The following BCAS3 variants were observed in gnomAD, a reference collection of about 807,000 sequenced individuals.
BCAS3 encodes the protein BCAS3 microtubule associated cell migration factor, also known as BCAS4/BCAS3 fusion.
A neutral mutation model predicts 116.1 loss-of-function variants in BCAS3; 53 were observed. The observed-to-expected ratio is 0.46, with a 90% CI of 0.37 to 0.57. The LOEUF (loss-of-function observed/expected upper bound fraction) is 0.57. Among genes scored for constraint, BCAS3 ranks in the 20% least tolerant of loss-of-function variants. The probability of loss-of-function intolerance (pLI) is 0.00; values close to 1 mark genes in which losing one functional copy is unlikely to be tolerated. For synonymous variants in BCAS3, 391 were observed against 408.2 expected (o/e 0.96, Z 0.51); for missense variants, 917 against 1,165.4 (o/e 0.79, Z 3.10).
At chr17:60,832,461 C>T (rs979973594) in intron 7 of BCAS3, among the ~76,000 whole-genome samples, 1 of 152,174 alleles carries the variant, frequency 6.6e-6, no homozygotes, top group Non-Finnish European at 1.5e-5. Context: ...TACCACCCAC[C>T]TCACTTGTTG....
chr17:61,360,120 C>T (rs2058376642), intron 22 of BCAS3, among the ~76,000 whole-genome samples: 1 of 151,774 alleles, frequency 6.6e-6, no homozygotes, highest in African/African-American at 2.4e-5. Context: ...AATCTCCTGT[C>T]AGCCTCCCAA....
At chr17:61,277,995 C>T (rs575106543) in intron 22 of BCAS3, among the ~76,000 whole-genome samples, 94 of 152,258 alleles carry the variant, frequency 6.2e-4, no homozygotes, top group African/African-American at 2.1e-3. Flanking sequence ...GGTGTATACC[C>T]AAAAGAAATG....
At chr17:61,359,461 A>G (rs987845633) in intron 22 of BCAS3, among the ~76,000 whole-genome samples, 5 of 151,676 alleles carry the variant, frequency 3.3e-5, no homozygotes, top group African/African-American at 1.2e-4. Flanking sequence ...AGAAAAAAAA[A>G]AAAGCTCATT....
rs116827512 is a variant in BCAS3 at position 61,016,481 on chromosome 17, T to C, written c.1637+580T>C. 5.3e-3 allele frequency among the ~76,000 whole-genome samples: 806 copies of C among 152,328 alleles called. 8 individuals are homozygous for C. Among genetic ancestry groups the C allele is most frequent in the African/African-American group, 0.018 (761 of 41,576 alleles). The stretch of plus-strand genomic sequence containing the variant: ...GACTTTTGATTACTCACTTGATTTA[T>C]TTGTGCTTATTTTAGCAATTTGCTA... On this transcript the variant is annotated intron_variant, in intron 16 of 23. Coordinates refer to ENST00000407086, the MANE Select transcript of BCAS3 (RefSeq NM_017679.5).
chr17:60,963,634 C>A (rs376181649), intron 14 of BCAS3, among the ~76,000 whole-genome samples: 30 of 150,822 alleles, frequency 2.0e-4, no homozygotes, highest in Admixed American at 9.2e-4. Flanking sequence ...CAGCTCACTG[C>A]AAGCTCCGCC....
chr17:60,784,290 G>GAAACA (rs1404501099), intron 6 of BCAS3, among the ~76,000 whole-genome samples: 2 of 146,274 alleles, frequency 1.4e-5, no homozygotes, highest in Non-Finnish European at 3.0e-5. Context: ...CTAAAAAAAT[G>GAAACA]AAACAAATTT....
intron 22 of BCAS3, among the ~76,000 whole-genome samples, chr17:61,109,335 TTATC>T (rs1210628911): frequency 3.3e-5 from 5 of 151,978 alleles, no homozygotes; most frequent in African/African-American, 4.8e-5. Context: ...CACATTTTCT[TTATC>T]TACTCGCTGA....
In BCAS3 at chr17:61,180,498, C is replaced by G. The variant is rs554551651; in HGVS notation, c.2425+95934C>G. On this transcript the variant is annotated intron_variant, in intron 22 of 23. Transcript: ENST00000407086. This position sits in a 1 kb window ranked among gnomAD's most constrained non-coding sequence, Gnocchi z 6.0. The stretch of plus-strand genomic sequence containing the variant: ...GGATATGAAAGAAATAATGAAAATT[C>G]TCCCTTGCCTCAGGGTAAGTAGTAG... Among the ~76,000 whole-genome samples, 18 of 152,354 alleles carry G rather than the reference C, an allele frequency of 1.2e-4. No individual in the cohort carries two copies. The highest frequency in any genetic ancestry group is 4.1e-4 in the African/African-American group (17 of 41,594).
rs2082532508 is a variant in BCAS3 at position 61,229,286 on chromosome 17, T to G, written c.2426-139041T>G. 6.6e-6 allele frequency among the ~76,000 whole-genome samples: 1 copy of G among 152,214 alleles called. No homozygotes were observed. Among genetic ancestry groups the G allele is most frequent in the African/African-American group, 2.4e-5 (1 of 41,456 alleles). On this transcript the variant is annotated intron_variant, in intron 22 of 23. Transcript: ENST00000407086. This position sits in a 1 kb window ranked among gnomAD's most constrained non-coding sequence, Gnocchi z 4.4. ...AAGCTACAGAAGAAAAGTTTGAAGC[T>G]AACAGAGGTTGGTTCGTGAGGTTAA...
intron 10 of BCAS3, among the ~76,000 whole-genome samples, chr17:60,897,820 A>T (rs879493201): frequency 3.3e-5 from 5 of 152,094 alleles, no homozygotes; most frequent in Non-Finnish European, 7.4e-5. Context: ...GGCTCAGGTG[A>T]TCCTCTTGCC....
intron 22 of BCAS3, among the ~76,000 whole-genome samples, chr17:61,345,663 G>A (rs908856711): frequency 2.6e-5 from 4 of 152,120 alleles, no homozygotes; most frequent in Non-Finnish European, 4.4e-5. Flanking sequence ...TTGGCAAAGC[G>A]GAAGTGGCAG....
intron 14 of BCAS3, among the ~76,000 whole-genome samples, chr17:60,973,883 C>T (rs559588145): frequency 6.6e-6 from 1 of 152,206 alleles, no homozygotes; most frequent in East Asian, 1.9e-4. Context: ...TGAGCCACCA[C>T]ACCCTGCCTA....
At chr17:60,949,726 CTAAT>C (rs751428394) in intron 14 of BCAS3, among the ~76,000 whole-genome samples, 223 of 152,292 alleles carry the variant, frequency 1.5e-3, no homozygotes, top group Non-Finnish European at 2.7e-3. Flanking sequence ...ATCCAATCCT[CTAAT>C]TATTTTGAAA....
chr17:60,729,951 C>G (rs79408281), intron 5 of BCAS3, among the ~76,000 whole-genome samples: 10,067 of 152,238 alleles, frequency 0.066, 977 homozygotes, highest in African/African-American at 0.21. Context: ...GTGTGTGTCA[C>G]TGTAGTCTGA....
At chr17:61,311,661 G>C (rs149111746) in intron 22 of BCAS3, among the ~76,000 whole-genome samples, 11 of 152,132 alleles carry the variant, frequency 7.2e-5, no homozygotes, top group African/African-American at 2.7e-4. Context: ...TTGGGAGGCC[G>C]AGGCGGGCAG....
intron 7 of BCAS3, among the ~76,000 whole-genome samples, chr17:60,821,521 A>G (rs1329478022): frequency 6.6e-6 from 1 of 152,122 alleles, no homozygotes; most frequent in African/African-American, 2.4e-5. Context: ...GGCCCCTCCC[A>G]GCTCTTTTCT....
At chr17:60,980,588 A>G (rs954529594) in intron 14 of BCAS3, 1 of 145,196 alleles carries the variant, frequency 6.9e-6, no homozygotes, top group South Asian at 2.1e-4. Flanking sequence ...GGTAAAATGC[A>G]GTGCTGCAAT....
At chr17:61,358,400 C>T (rs995404053) in intron 22 of BCAS3, among the ~76,000 whole-genome samples, 11 of 151,784 alleles carry the variant, frequency 7.2e-5, no homozygotes, top group South Asian at 2.1e-4. Context: ...TGGCAATGAG[C>T]GTATTTATGC....
rs2072659946 is a variant in BCAS3, at chr17:61,082,007, C to T, written c.2328-2460C>T. On this transcript the variant is annotated intron_variant, in intron 21 of 23. Coordinates refer to ENST00000407086, the MANE Select transcript of BCAS3 (RefSeq NM_017679.5). This position sits in a 1 kb window ranked among gnomAD's most constrained non-coding sequence, Gnocchi z 5.1. ...CAGTGATAATCTTCCTCCCTGCCGC[C>T]TAACCAAAATGGGAAACAGGCAGGC... is the stretch of plus-strand genomic sequence containing the variant. Among the ~76,000 whole-genome samples the T allele has an allele frequency of 6.6e-6, 1 of 152,166 alleles. No individual in the cohort carries two copies. The highest frequency in any genetic ancestry group is 1.5e-5 in the Non-Finnish European group (1 of 68,022).
Sources: allele counts gnomAD v4.1 joint callset (sites outside exome capture counted in the v4.1 genomes callset), GRCh38; gene constraint gnomAD v4.1.1; non-coding constraint Gnocchi (gnomAD v3.1); transcripts MANE v1.5; gene names NCBI Gene and HGNC (gene_info 2026-07-23, HGNC 2026-07-21).